Variants in ANXA1 observed in about 807,000 individuals in gnomAD.
ANXA1 encodes annexin A1.
A neutral mutation model predicts 47.9 loss-of-function variants in ANXA1; 39 were observed. That is an observed-to-expected ratio of 0.81 (90% confidence interval 0.63 to 1.06). The LOEUF (loss-of-function observed/expected upper bound fraction) is 1.06. ANXA1 is among the 50% of genes least tolerant of loss of function. ANXA1 has a pLI of 0.00. For missense variants in ANXA1, 446 were observed against 422.7 expected, an observed-to-expected ratio of 1.06 and a Z score of -0.48; for synonymous variants, 146 against 142.5, an observed-to-expected ratio of 1.02 and a Z score of -0.17.
intron 6 of ANXA1, among the ~76,000 whole-genome samples, chr9:73,161,896 G>C (rs188812633): frequency 1.3e-5 from 2 of 152,024 alleles, no homozygotes; most frequent in East Asian, 3.9e-4. Context: ...GTTTTAGTCC[G>C]TTTGTGTTGC....
chr9:73,163,650 T>C (rs1177229421), intron 8 of ANXA1, 118 bp downstream of exon 8: 1 of 1,003,836 alleles, frequency 1.0e-6, no homozygotes, highest in Non-Finnish European at 1.5e-6. Context: ...GGCTTCTTAA[T>C]GTTCATTTCC....
At chr9:73,168,961 C>A in intron 11 of ANXA1, 71 bp from the exon 12 acceptor site, 1 of 1,482,032 alleles carries the variant, frequency 6.7e-7, no homozygotes, top group Non-Finnish European at 9.1e-7. Context: ...GAAGGCTTCA[C>A]TTTAAAATTC....
chr9:73,170,272 G>T lies in ANXA1; in HGVS notation c.*165G>T. 2.2e-6 allele frequency: 1 copy of T among 453,128 alleles called. No individual in the cohort carries two copies. The highest frequency in any genetic ancestry group is 3.8e-6 in the Non-Finnish European group (1 of 264,186). The allele number at this position is 453,128 out of a possible 1,614,324, so 28.1% of individuals were successfully genotyped here. On this transcript the variant is annotated 3_prime_UTR_variant, in exon 13 of 13. Coordinates refer to ENST00000257497, the MANE Select transcript of ANXA1 (RefSeq NM_000700.3). ...TTTTATATTATAACTCTGTATAATAGAGATAAGTCCATTTTTTAAAAATGT... is the reference window on the plus strand; with the variant it reads ...TTTTATATTATAACTCTGTATAATATAGATAAGTCCATTTTTTAAAAATGT...
At chr9:73,154,413 T>A in intron 1 of ANXA1, 6 of 1,253,650 alleles carry the variant, frequency 4.8e-6, no homozygotes, top group Non-Finnish European at 6.5e-6. Context: ...CCCTTCTCTT[T>A]CTTTTCTTTT....
At chr9:73,164,157 A>G (rs1252391119) in intron 8 of ANXA1, among the ~76,000 whole-genome samples, 1 of 152,114 alleles carries the variant, frequency 6.6e-6, no homozygotes, top group Non-Finnish European at 1.5e-5. Context: ...ATGCCTTCTC[A>G]TGGAACAGTA....
At position 73,159,428 on chromosome 9, in the gene ANXA1, G is replaced by T; in HGVS notation, c.270+5G>T. The T allele has an allele frequency of 6.2e-7, 1 of 1,609,360 alleles. No homozygotes were observed. Among genetic ancestry groups the T allele is most frequent in the Admixed American group, 1.7e-5 (1 of 59,916 alleles). ...TATCTCCAGGAAACAGGAAAGGTAA[G>T]TTAGAGTGGTAAATTTAGATATTTA... On this transcript the variant is annotated splice_donor_5th_base_variant and intron_variant, in intron 4 of 12. Coordinates refer to ENST00000257497, the MANE Select transcript of ANXA1 (RefSeq NM_000700.3).
Position 73,159,380 on chromosome 9 carries a change from A to G in ANXA1, c.227A>G (p.Gln76Arg), listed in dbSNP as rs765972811. The G allele has an allele frequency of 1.4e-5, 23 of 1,613,422 alleles. 1 individual carries two copies. In the South Asian group the frequency reaches 2.4e-4, roughly 17 times the overall value. ...IDILTKRNNA[Q>R]RQQIKAAYLQ... ...ATTCTAACTAAGCGAAACAATGCAC[A>G]GCGTCAACAGATCAAAGCAGCATAT... Residue 76 changes from glutamine to arginine, a missense_variant, in exon 4 of 13, where the codon CAG (glutamine) becomes CGG (arginine). Transcript: ENST00000257497.
chr9:73,168,896 TGTGTGTG>T (rs1824277706), intron 11 of ANXA1, 129 bp from the exon 12 acceptor site: 1 of 657,808 alleles, frequency 1.5e-6, no homozygotes, highest in African/African-American at 1.8e-5. Context: ...TGTGTGTGTG[TGTGTGTG>T]TGTGTGTGTA....
chr9:73,158,666 C>A (rs1050986430), intron 2 of ANXA1, 29 bp from the exon 3 acceptor site: 1 of 1,609,324 alleles, frequency 6.2e-7, no homozygotes. Context: ...AAGTAAATGG[C>A]CATTAATTTA....
At chr9:73,156,758 A>G (rs1824054497) in intron 1 of ANXA1, among the ~76,000 whole-genome samples, 1 of 152,174 alleles carries the variant, frequency 6.6e-6, no homozygotes, top group Non-Finnish European at 1.5e-5. Context: ...TCAAGAATTT[A>G]AAACTGCCAA....
Position 73,169,254 on chromosome 9 carries a change from T to G in ANXA1, c.984+100T>G, listed in dbSNP as rs1187382334. On this transcript the variant is annotated intron_variant, in intron 12 of 12. Coordinates refer to ENST00000257497, the MANE Select transcript of ANXA1 (RefSeq NM_000700.3). ...ACTTATTGTATCTATAAATTTAATA[T>G]GTAAGATTAATTTAATATATTATGG... The G allele has an allele frequency of 3.1e-6, 4 of 1,302,526 alleles. No homozygotes were observed. In the African/African-American group the frequency reaches 6.0e-5, roughly 20 times the overall value. 80.7% of individuals were successfully genotyped at this position (1,302,526 alleles called of 1,614,324 possible). A position where few individuals can be genotyped will look rare whatever the true frequency, so the allele number is the denominator to read the frequency against.
Position 73,159,300 on chromosome 9 carries a change from G to A in ANXA1, c.176-29G>A, listed in dbSNP as rs75297127. On this transcript the variant is annotated intron_variant, in intron 3 of 12. Transcript: ENST00000257497. ...TCAATTGATGATGAAGAAAATTGGT[G>A]TTAAAGGCTGTTGGCCCTTTATTTC... is the stretch of plus-strand genomic sequence containing the variant. The A allele has an allele frequency of 5.7e-4, 898 of 1,576,596 alleles. 9 individuals are homozygous for A. In the African/African-American group the frequency reaches 0.01, roughly 18 times the overall value.
chr9:73,169,411 G>A (rs10869231), intron 12 of ANXA1, among the ~76,000 whole-genome samples: 90,592 of 151,882 alleles, frequency 0.6, 27,641 homozygotes, highest in Middle Eastern at 0.66. Flanking sequence ...TCAGCAAGCA[G>A]AATATTCTAG....
intron 1 of ANXA1, among the ~76,000 whole-genome samples, chr9:73,152,718 C>T (rs1479437659): frequency 1.3e-5 from 2 of 152,068 alleles, no homozygotes; most frequent in Non-Finnish European, 2.9e-5. Context: ...GTTGCATGAG[C>T]TAATGGCCAT....
At chr9:73,169,437 A>G (rs1323684929) in intron 12 of ANXA1, among the ~76,000 whole-genome samples, 2 of 152,144 alleles carry the variant, frequency 1.3e-5, no homozygotes, top group Non-Finnish European at 1.5e-5. Context: ...CCCCTAGGGT[A>G]GATAGACATT....
Position 73,160,531 on chromosome 9 carries a change from T to C in ANXA1, c.384+155T>C, listed in dbSNP as rs556510076. 3.3e-5 allele frequency among the ~76,000 whole-genome samples: 5 copies of C among 152,304 alleles called. No homozygotes were observed. In the East Asian group the frequency reaches 7.7e-4, roughly 23 times the overall value. On this transcript the variant is annotated intron_variant, in intron 5 of 12. Coordinates refer to ENST00000257497, the MANE Select transcript of ANXA1 (RefSeq NM_000700.3). ...TAATACCTCAATGAAGGAATTAATA[T>C]ATAAATGAAAACAGAAATGTTGGCA...
chr9:73,157,014 G>A (rs575878027), intron 1 of ANXA1, among the ~76,000 whole-genome samples: 1 of 152,258 alleles, frequency 6.6e-6, no homozygotes, highest in South Asian at 2.1e-4. Flanking sequence ...GCCAAGTCAT[G>A]ATAGCAATTC....
rs1174384573 is a variant in ANXA1 at position 73,166,087 on chromosome 9, T to C, written c.707-10T>C. 2 of 1,589,150 alleles carry C rather than the reference T, an allele frequency of 1.3e-6. No homozygotes were observed. The highest frequency in any genetic ancestry group is 1.7e-6 in the Non-Finnish European group (2 of 1,166,136). ...TTTTGCATGTATCTTAGTTTGAATT[T>C]AATATTCAGTGTTTCAGAAATACAC... On this transcript the variant is annotated splice_polypyrimidine_tract_variant and intron_variant, in intron 9 of 12. Coordinates refer to ENST00000257497, the MANE Select transcript of ANXA1 (RefSeq NM_000700.3).
intron 10 of ANXA1, among the ~76,000 whole-genome samples, chr9:73,166,883 T>G (rs569643047): frequency 2.0e-5 from 3 of 152,296 alleles, no homozygotes; most frequent in African/African-American, 7.2e-5. Flanking sequence ...TGGAATGTGC[T>G]AGTATTATTT....
Sources: allele counts gnomAD v4.1 joint callset (sites outside exome capture counted in the v4.1 genomes callset), GRCh38; gene constraint gnomAD v4.1.1; transcripts MANE v1.5; gene names NCBI Gene and HGNC (gene_info 2026-07-23, HGNC 2026-07-21).